EPB41L4B: variants seen among roughly 807,000 people sequenced by gnomAD.
The protein encoded by EPB41L4B is band 4.1-like protein 4B.
In EPB41L4B, 30 loss-of-function variants were observed where a neutral mutation model predicts 112.5. The observed-to-expected ratio is 0.27, with a 90% CI of 0.20 to 0.36. The LOEUF (loss-of-function observed/expected upper bound fraction) is 0.36. Among genes scored for constraint, EPB41L4B ranks in the 10% least tolerant of loss-of-function variants. The pLI, the probability that EPB41L4B is intolerant of heterozygous loss-of-function variation, is 1.00. For missense variants in EPB41L4B, 1,024 were observed against 1,133.3 expected (o/e 0.90, Z 1.38); for synonymous variants, 408 against 439.7 (o/e 0.93, Z 0.90).
intron 15 of EPB41L4B, 28 bp downstream of exon 15, chr9:109,243,590 G>A (rs1340444702): frequency 6.2e-7 from 1 of 1,610,598 alleles, no homozygotes; most frequent in Non-Finnish European, 8.5e-7. Flanking sequence ...GCTTTCGAAG[G>A]TGCAGCTCTG....
intron 1 of EPB41L4B, among the ~76,000 whole-genome samples, chr9:109,289,667 G>A (rs958259660): frequency 9.9e-5 from 15 of 152,132 alleles, no homozygotes; most frequent in African/African-American, 3.6e-4. Context: ...CAGACCCCTC[G>A]TCTGTCCTAA....
Position 109,265,031 on chromosome 9 carries a change from A to C in EPB41L4B, c.534-7T>G, listed in dbSNP as rs753659618. 2.5e-6 allele frequency: 4 copies of C among 1,601,564 alleles called. No homozygotes were observed. Among genetic ancestry groups the C allele is most frequent in the Non-Finnish European group, 3.4e-6 (4 of 1,176,904 alleles). ...TTGTAAAACAAACAGGTACCTGACA[A>C]ACATATACAAAAGTCAACAGAGGGT... On this transcript the variant is annotated splice_region_variant and splice_polypyrimidine_tract_variant and intron_variant, in intron 4 of 25. Coordinates refer to ENST00000374566, the MANE Select transcript of EPB41L4B (RefSeq NM_019114.5).
At chr9:109,307,959 C>G (rs1006292635) in intron 1 of EPB41L4B, among the ~76,000 whole-genome samples, 2 of 152,140 alleles carry the variant, frequency 1.3e-5, no homozygotes, top group African/African-American at 4.8e-5. Flanking sequence ...CAGCAGCAGA[C>G]TGGAGTGAGC....
chr9:109,243,396 A>T (rs1834423668), intron 15 of EPB41L4B, among the ~76,000 whole-genome samples: 1 of 152,178 alleles, frequency 6.6e-6, no homozygotes, highest in African/African-American at 2.4e-5. Flanking sequence ...GAATGATTTT[A>T]AAAAATCAAT....
chr9:109,222,870 C>T (rs1197711806), intron 15 of EPB41L4B, among the ~76,000 whole-genome samples: 4 of 152,172 alleles, frequency 2.6e-5, no homozygotes, highest in Admixed American at 6.5e-5. Flanking sequence ...GAGTAATGTG[C>T]CCTGTTAGTA....
intron 18 of EPB41L4B, among the ~76,000 whole-genome samples, chr9:109,205,224 G>A (rs1832956136): frequency 6.6e-6 from 1 of 152,142 alleles, no homozygotes; most frequent in African/African-American, 2.4e-5. Flanking sequence ...CTTGGGAAAC[G>A]CTAATGTCAA....
At chr9:109,256,540 A>G (rs1834990790) in intron 7 of EPB41L4B, 60 bp from the exon 8 acceptor site, 3 of 1,445,374 alleles carry the variant, frequency 2.1e-6, no homozygotes, top group South Asian at 2.3e-5. Flanking sequence ...AGGATTCTGA[A>G]GGGCACGGCC....
chr9:109,226,059 C>T (rs1215624037), intron 15 of EPB41L4B, among the ~76,000 whole-genome samples: 1 of 152,210 alleles, frequency 6.6e-6, no homozygotes, highest in Non-Finnish European at 1.5e-5. Flanking sequence ...ATCATTCACC[C>T]TTGCCCCATG....
rs559410346 is a variant in EPB41L4B at position 109,216,806 on chromosome 9, A to C, written c.1633+116T>G. 66 of 1,066,538 alleles carry C rather than the reference A, an allele frequency of 6.2e-5. No individual in the cohort carries two copies. In the South Asian group the frequency reaches 8.9e-4, roughly 14 times the overall value. 66.1% of individuals were successfully genotyped at this position (1,066,538 alleles called of 1,614,324 possible). A position where few individuals can be genotyped will look rare whatever the true frequency, so the allele number is the denominator to read the frequency against. On this transcript the variant is annotated intron_variant, in intron 16 of 25. Coordinates refer to ENST00000374566, the MANE Select transcript of EPB41L4B (RefSeq NM_019114.5). ...GGCCCAAACCCGGTAGCCCAGCATA[A>C]CATGACAACCATTGTGTGCTGCACC...
intron 15 of EPB41L4B, among the ~76,000 whole-genome samples, chr9:109,225,383 AAG>A (rs1251469318): frequency 7.9e-5 from 12 of 152,220 alleles, no homozygotes; most frequent in African/African-American, 2.4e-4. Context: ...TTACAAAAGA[AAG>A]AGGTTTGATA....
intron 2 of EPB41L4B, among the ~76,000 whole-genome samples, chr9:109,273,419 A>G (rs1469695155): frequency 2.6e-5 from 4 of 151,854 alleles, no homozygotes; most frequent in African/African-American, 4.8e-5. Flanking sequence ...GCTAATTTTT[A>G]TATTTTTAGT....
intron 2 of EPB41L4B, among the ~76,000 whole-genome samples, chr9:109,279,280 C>T (rs562452593): frequency 6.6e-6 from 1 of 151,570 alleles, no homozygotes; most frequent in East Asian, 1.9e-4. Flanking sequence ...GTGGCAGGAT[C>T]GATTGAGCTC....
chr9:109,239,709 C>T (rs1834285709), intron 15 of EPB41L4B: 1 of 532,458 alleles, frequency 1.9e-6, no homozygotes, highest in Non-Finnish European at 2.4e-6. Flanking sequence ...TGGTTGCAGA[C>T]AACTGAAACC....
chr9:109,291,795 T>A (rs772937557), intron 1 of EPB41L4B, among the ~76,000 whole-genome samples: 3 of 152,134 alleles, frequency 2.0e-5, no homozygotes, highest in African/African-American at 2.4e-5. Flanking sequence ...GGGCTTCCAA[T>A]GTGCTGTAGA....
At chr9:109,229,973 CTT>C (rs1369049333) in intron 15 of EPB41L4B, among the ~76,000 whole-genome samples, 1 of 152,180 alleles carries the variant, frequency 6.6e-6, no homozygotes. Flanking sequence ...TTGGGACTCT[CTT>C]AGGATAATTG....
chr9:109,253,017 C>CT (rs1340999660), intron 12 of EPB41L4B, among the ~76,000 whole-genome samples: 1 of 152,154 alleles, frequency 6.6e-6, no homozygotes, highest in Non-Finnish European at 1.5e-5. Flanking sequence ...AGCCGAATAT[C>CT]TAAAAGTTCT....
chr9:109,303,932 T>C (rs1320411932), intron 1 of EPB41L4B, among the ~76,000 whole-genome samples: 1 of 152,188 alleles, frequency 6.6e-6, no homozygotes, highest in African/African-American at 2.4e-5. Context: ...AACTAGGCTG[T>C]TCTGTTCTCA....
intron 15 of EPB41L4B, among the ~76,000 whole-genome samples, chr9:109,236,141 C>T (rs1834133248): frequency 6.6e-6 from 1 of 152,224 alleles, no homozygotes; most frequent in Admixed American, 6.5e-5. Flanking sequence ...AGCCCAGGTG[C>T]TTAGACTGGT....
At chr9:109,240,543 A>G (rs1211716974) in intron 15 of EPB41L4B, 8 of 985,238 alleles carry the variant, frequency 8.1e-6, no homozygotes, top group Non-Finnish European at 9.6e-6. Flanking sequence ...TTTCAGGTCT[A>G]TTATTAAGAG....
Sources: allele counts gnomAD v4.1 joint callset (sites outside exome capture counted in the v4.1 genomes callset), GRCh38; gene constraint gnomAD v4.1.1; transcripts MANE v1.5; gene names NCBI Gene and HGNC (gene_info 2026-07-23, HGNC 2026-07-21).